Variants in CFAP184 observed in about 807,000 individuals in gnomAD.
CFAP184 encodes the protein cilia- and flagella-associated protein 184.
the CFAP184 span, chr4:7,041,515 C>T: frequency 6.2e-7 from 1 of 1,614,238 alleles, no homozygotes; most frequent in Non-Finnish European, 8.5e-7. Context: ...CAGGATGTCT[C>T]TTCCTAGGGC....
At chr4:7,041,645 G>A in the CFAP184 span, 2 of 1,614,114 alleles carry the variant, frequency 1.2e-6, no homozygotes, top group African/African-American at 2.7e-5. Flanking sequence ...TTGCTGCGAA[G>A]TTTTAAAAGT....
At chr4:7,042,710 C>T in the CFAP184 span, 1 of 1,513,822 alleles carries the variant, frequency 6.6e-7, no homozygotes, top group Non-Finnish European at 8.8e-7. Context: ...CCCGCAGCCT[C>T]GGCTGCCGTT....
chr4:7,041,304 C>G, the CFAP184 span: 1 of 1,608,464 alleles, frequency 6.2e-7, no homozygotes, highest in African/African-American at 1.3e-5. Flanking sequence ...CCTCCCTGAT[C>G]TTCTGCCTCA....
the CFAP184 span, chr4:7,042,613 G>T: frequency 6.6e-6 from 10 of 1,513,622 alleles, no homozygotes; most frequent in Middle Eastern, 2.2e-4. Flanking sequence ...CTCCGGCTGG[G>T]CGGGCTCCTC....
chr4:7,042,535 C>T, the CFAP184 span: 4 of 1,593,742 alleles, frequency 2.5e-6, no homozygotes, highest in South Asian at 1.1e-5. Flanking sequence ...GACTTCCTTC[C>T]CCTCTGCCGC....
the CFAP184 span, chr4:7,041,642 G>A: frequency 2.5e-6 from 4 of 1,614,204 alleles, no homozygotes; most frequent in East Asian, 2.2e-5. Context: ...ACCTTGCTGC[G>A]AAGTTTTAAA....
the CFAP184 span, chr4:7,042,093 T>C: frequency 6.2e-7 from 1 of 1,609,318 alleles, no homozygotes; most frequent in African/African-American, 1.3e-5. Flanking sequence ...GCAGGTACGC[T>C]TGCTCTTTCT....
chr4:7,041,470 G>T, the CFAP184 span: 1 of 1,614,186 alleles, frequency 6.2e-7, no homozygotes, highest in Non-Finnish European at 8.5e-7. Context: ...GATGTTGTCC[G>T]TCCGCAGCCC....
the CFAP184 span, chr4:7,041,385 G>T: frequency 6.2e-7 from 1 of 1,614,110 alleles, no homozygotes; most frequent in Non-Finnish European, 8.5e-7. Context: ...GAAGCAGTTC[G>T]GTCTTGTCCA....
the CFAP184 span, chr4:7,041,623 C>T: frequency 1.2e-6 from 2 of 1,614,242 alleles, no homozygotes; most frequent in East Asian, 4.5e-5. Flanking sequence ...TACTTGCACA[C>T]TGTTGGTCAC....
the CFAP184 span, chr4:7,042,982 G>A: frequency 1.4e-6 from 2 of 1,385,848 alleles, no homozygotes; most frequent in Non-Finnish European, 1.9e-6. Context: ...GCAGGACGCT[G>A]TTAGGTTTCC....
chr4:7,042,312 G>T, the CFAP184 span: 1 of 1,594,886 alleles, frequency 6.3e-7, no homozygotes, highest in Non-Finnish European at 8.6e-7. Context: ...ACCACTCGAG[G>T]TCCTCAAACT....
chr4:7,042,246 C>T, the CFAP184 span: 5 of 1,598,888 alleles, frequency 3.1e-6, no homozygotes, highest in East Asian at 2.2e-5. Context: ...GGGAACGGTA[C>T]TGGTCCAGGA....
chr4:7,041,026 A>T, the CFAP184 span: 1 of 434,230 alleles, frequency 2.3e-6, no homozygotes, highest in Non-Finnish European at 4.0e-6. Flanking sequence ...TTTTCATGAG[A>T]AGTCAGTTAC....
At chr4:7,041,843 C>G in the CFAP184 span, 1 of 1,609,948 alleles carries the variant, frequency 6.2e-7, no homozygotes, top group African/African-American at 1.3e-5. Context: ...TCCTTTTTAT[C>G]CTCCAACGCC....
the CFAP184 span, chr4:7,041,611 A>C: frequency 6.2e-7 from 1 of 1,614,182 alleles, no homozygotes; most frequent in Non-Finnish European, 8.5e-7. Flanking sequence ...CACGTGGGTT[A>C]TTACTTGCAC....
At chr4:7,041,227 G>A in the CFAP184 span, 9 of 1,524,662 alleles carry the variant, frequency 5.9e-6, no homozygotes, top group South Asian at 2.6e-5. Flanking sequence ...AGGACAGCAC[G>A]TCCTGAGGAT....
At chr4:7,042,263 T>A in the CFAP184 span, 1 of 1,593,112 alleles carries the variant, frequency 6.3e-7, no homozygotes, top group South Asian at 1.1e-5. Context: ...AGGAGGTCGC[T>A]GCGCAGCTGC....
the CFAP184 span, chr4:7,042,104 C>G: frequency 6.2e-7 from 1 of 1,608,414 alleles, no homozygotes; most frequent in Admixed American, 1.7e-5. Flanking sequence ...TGCTCTTTCT[C>G]GGGGGCCTCG....
Sources: gnomAD v4.1 joint callset for allele counts on GRCh38, gnomAD v4.1.1 for gene constraint, MANE v1.5 for transcripts, NCBI Gene and HGNC (gene_info 2026-07-23, HGNC 2026-07-21) for gene names.